AGTPBP1: variants seen among roughly 807,000 people sequenced by gnomAD.
AGTPBP1 encodes cytosolic carboxypeptidase 1.
A neutral mutation model predicts 143.9 loss-of-function variants in AGTPBP1; 70 were observed. The ratio of observed to expected loss-of-function variants is 0.49; its 90% CI spans 0.40 to 0.59. AGTPBP1 has a LOEUF of 0.59. Among genes scored for constraint, AGTPBP1 ranks in the 20% least tolerant of loss-of-function variants. The pLI, the probability that AGTPBP1 is intolerant of heterozygous loss-of-function variation, is 0.00. For missense variants in AGTPBP1, 1,229 were observed against 1,464.5 expected (o/e 0.84, Z 2.62); for synonymous variants, 463 against 500.2 (o/e 0.93, Z 0.99).
At chr9:85,584,482 A>T (rs373549004) in intron 23 of AGTPBP1, among the ~76,000 whole-genome samples, 17 of 152,306 alleles carry the variant, frequency 1.1e-4, no homozygotes, top group Middle Eastern at 3.4e-3. Context: ...ATGTCTGAGA[A>T]CATCCTTTTT....
At chr9:85,576,207 T>C (rs1032044475) in intron 24 of AGTPBP1, among the ~76,000 whole-genome samples, 3 of 152,194 alleles carry the variant, frequency 2.0e-5, no homozygotes, top group African/African-American at 7.2e-5. Context: ...ATACTCCTTC[T>C]TTATCATTTA....
chr9:85,603,858 C>T (rs1829825417), intron 17 of AGTPBP1, among the ~76,000 whole-genome samples: 1 of 151,280 alleles, frequency 6.6e-6, no homozygotes, highest in Non-Finnish European at 1.5e-5. Flanking sequence ...GTACTAAACG[C>T]AGGCCTGGGA....
At chr9:85,665,506 C>T (rs1461986917) in intron 8 of AGTPBP1, among the ~76,000 whole-genome samples, 1 of 152,210 alleles carries the variant, frequency 6.6e-6, no homozygotes, top group African/African-American at 2.4e-5. Flanking sequence ...GTTATGACAG[C>T]CCTAGAAAAC....
chr9:85,742,365 C>T (rs569908100), upstream of AGTPBP1, among the ~76,000 whole-genome samples: 2 of 152,180 alleles, frequency 1.3e-5, no homozygotes, highest in South Asian at 2.1e-4. Flanking sequence ...CACCCCCTCC[C>T]CCGCCATCAA....
chr9:85,594,982 T>C (rs1463008825), intron 18 of AGTPBP1, among the ~76,000 whole-genome samples: 2 of 152,236 alleles, frequency 1.3e-5, no homozygotes, highest in African/African-American at 4.8e-5. Flanking sequence ...CACCCAACTT[T>C]ATGAGAAAGA....
chr9:85,608,558 C>T (rs1335952326), intron 17 of AGTPBP1, among the ~76,000 whole-genome samples: 2 of 151,710 alleles, frequency 1.3e-5, no homozygotes, highest in East Asian at 1.9e-4. Context: ...CTCAACAGCA[C>T]ATGATACATT....
chr9:85,566,469 G>A (rs1827101935), intron 25 of AGTPBP1, among the ~76,000 whole-genome samples: 1 of 141,766 alleles, frequency 7.1e-6, no homozygotes, highest in African/African-American at 2.8e-5. Flanking sequence ...GGTTGAGGCT[G>A]CAGTGAACTA....
intron 1 of AGTPBP1, among the ~76,000 whole-genome samples, chr9:85,716,532 G>C (rs1183601189): frequency 1.3e-5 from 2 of 152,154 alleles, no homozygotes; most frequent in East Asian, 1.9e-4. Context: ...TATGCCTCCA[G>C]TTGCTCAATT....
chr9:85,738,854 C>A (rs10746768), intron 1 of AGTPBP1, among the ~76,000 whole-genome samples: 113,571 of 151,810 alleles, frequency 0.75, 43,711 homozygotes, highest in African/African-American at 0.94. Context: ...TGCTCCATCC[C>A]CCAAAAGTCC....
chr9:85,677,441 G>C lies in AGTPBP1; in HGVS notation c.431C>G (p.Pro144Arg). 9 of 1,605,474 alleles carry C rather than the reference G, an allele frequency of 5.6e-6. No homozygotes were observed. The highest frequency in any genetic ancestry group is 7.7e-6 in the Non-Finnish European group (9 of 1,176,386). ...QIHSILAKIG[P>R]KDKKFGVKAR... The stretch of plus-strand genomic sequence containing the variant: ...ATACAAATGAAATCCCTTACCTTTT[G>C]GTCCAATCTTTGCAAGAATAGAATG... The change falls in exon 6 of 26, where the codon CCA (proline) becomes CGA (arginine). Residue 144 changes from proline to arginine, a missense_variant. This residue lies in a region of AGTPBP1 where 743 missense variants were observed against 812.2 expected (regional missense o/e 0.91). Coordinates refer to ENST00000357081, the MANE Select transcript of AGTPBP1 (RefSeq NM_001330701.2).
chr9:85,751,789 T>C, the AGTPBP1 span, among the ~76,000 whole-genome samples: 1 of 151,942 alleles, frequency 6.6e-6, no homozygotes, highest in Non-Finnish European at 1.5e-5. Context: ...GTATTTTTAG[T>C]AGAGACGGGG....
chr9:85,756,956 G>A, the AGTPBP1 span, among the ~76,000 whole-genome samples: 2 of 137,028 alleles, frequency 1.5e-5, no homozygotes, highest in Admixed American at 6.9e-5. Context: ...TGGGGGATTG[G>A]GCGGGGGAAA....
intron 3 of AGTPBP1, among the ~76,000 whole-genome samples, chr9:85,692,440 A>G (rs779620983): frequency 4.6e-5 from 7 of 151,534 alleles, no homozygotes; most frequent in Non-Finnish European, 1.0e-4. Context: ...CACCCGGCTA[A>G]TTTTTGTATT....
chr9:85,759,765 T>G, the AGTPBP1 span, among the ~76,000 whole-genome samples: 113 of 151,980 alleles, frequency 7.4e-4, no homozygotes, highest in Non-Finnish European at 1.3e-3. Context: ...AAGAAATAAC[T>G]AAGATCAGAG....
chr9:85,664,118 A>G (rs1253684956), intron 8 of AGTPBP1, among the ~76,000 whole-genome samples: 1 of 152,174 alleles, frequency 6.6e-6, no homozygotes, highest in African/African-American at 2.4e-5. Flanking sequence ...CTTACATGTA[A>G]CCAAATCTAC....
the AGTPBP1 span, among the ~76,000 whole-genome samples, chr9:85,796,159 T>C: frequency 6.6e-6 from 1 of 152,126 alleles, no homozygotes; most frequent in Non-Finnish European, 1.5e-5. Context: ...ATATCTATTA[T>C]ACATACATAC....
At chr9:85,689,925 A>AATATATATATATATATATATATATAT (rs1554726691) in intron 3 of AGTPBP1, among the ~76,000 whole-genome samples, 7 of 72,512 alleles carry the variant, frequency 9.7e-5, no homozygotes, top group Non-Finnish European at 1.4e-4. Flanking sequence ...AAAAAAAAAA[A>AATATATATATATATATATATATATAT]ATATATATAT....
At chr9:85,610,910 G>C (rs1428524385) in intron 17 of AGTPBP1, among the ~76,000 whole-genome samples, 1 of 152,032 alleles carries the variant, frequency 6.6e-6, no homozygotes, top group Non-Finnish European at 1.5e-5. Flanking sequence ...ATGTTGTACT[G>C]ACCTAACAAA....
chr9:85,759,459 T>C, the AGTPBP1 span, among the ~76,000 whole-genome samples: 2 of 152,084 alleles, frequency 1.3e-5, no homozygotes, highest in Middle Eastern at 3.4e-3. Flanking sequence ...AACTCAGGAT[T>C]AAGAAACTCA....
Sources: allele counts gnomAD v4.1 joint callset (sites outside exome capture counted in the v4.1 genomes callset), GRCh38; gene constraint gnomAD v4.1.1; regional missense constraint gnomAD v4.1.1; transcripts MANE v1.5; gene names NCBI Gene and HGNC (gene_info 2026-07-23, HGNC 2026-07-21).